ZNF77: variants seen among roughly 807,000 people sequenced by gnomAD.
ZNF77 encodes ZNFpT1.
A neutral mutation model predicts 13.5 loss-of-function variants in ZNF77; 15 were observed. The ratio of observed to expected loss-of-function variants is 1.11; its 90% CI spans 0.74 to 1.71. The LOEUF (loss-of-function observed/expected upper bound fraction) is 1.71. Among genes scored for constraint, ZNF77 ranks in the 40% most tolerant of loss-of-function variants. The pLI, the probability that ZNF77 is intolerant of heterozygous loss-of-function variation, is 0.00. For synonymous variants in ZNF77, 282 were observed against 250.0 expected (o/e 1.13, Z -1.21); for missense variants, 717 against 676.4 (o/e 1.06, Z -0.67).
At chr19:2,942,024 C>T (rs1440168759) in intron 1 of ZNF77, among the ~76,000 whole-genome samples, 1 of 151,094 alleles carries the variant, frequency 6.6e-6, no homozygotes, top group Non-Finnish European at 1.5e-5. Flanking sequence ...ACATCCAAGA[C>T]AATGACTGCC....
Position 2,933,893 on chromosome 19 carries a change from CTT to C in ZNF77, c.1232_1233del (p.Lys411ArgfsTer26), listed in dbSNP as rs1178394361. 2 of 1,612,874 alleles carry C rather than the reference CTT, an allele frequency of 1.2e-6. No homozygotes were observed. Among genetic ancestry groups the C allele is most frequent in the Non-Finnish European group, 1.7e-6 (2 of 1,179,756 alleles). ...THSGVKPYQC[K>X]ECGKAYSFSS... Reference sequence around the variant, plus strand: ...GAAAAACTGTAGGCTTTCCCACACTCTTTACATTGATAGGGCTTCACCCCGCT... The same window carrying C: ...GAAAAACTGTAGGCTTTCCCACACTCTACATTGATAGGGCTTCACCCCGCT... On this transcript the variant is annotated frameshift_variant, in exon 4 of 4. Transcript: ENST00000314531. LOFTEE classifies it low-confidence loss of function (END_TRUNC).
At chr19:2,944,706 C>G (rs2088480597) in intron 1 of ZNF77, 132 bp downstream of exon 1, 1 of 1,301,230 alleles carries the variant, frequency 7.7e-7, no homozygotes, top group Non-Finnish European at 1.0e-6. Flanking sequence ...ACCACGTCCC[C>G]GGGGCCCAGG....
Position 2,936,662 on chromosome 19 carries a change from CT to C in ZNF77, c.172del (p.Arg58GlyfsTer15). On this transcript the variant is annotated frameshift_variant, in exon 3 of 4. Transcript: ENST00000314531. LOFTEE classifies it high-confidence loss of function. ...GGATATTCCATTCCCAAAAACGTCC[CT>C]CTGAGAACTTGATCCACTGGTTCTA... ...YVRTSGSSSQRDVFGNGISND... is the reference protein window; with the variant it reads ...YVRTSGSSSQXDVFGNGISND... 1 of 1,609,322 alleles carries C rather than the reference CT, an allele frequency of 6.2e-7. No individual in the cohort carries two copies. The highest frequency in any genetic ancestry group is 8.5e-7 in the Non-Finnish European group (1 of 1,178,676).
chr19:2,939,566 C>T (rs1194071569), intron 1 of ZNF77, 159 bp from the exon 2 acceptor site: 11 of 948,064 alleles, frequency 1.2e-5, no homozygotes, highest in East Asian at 7.6e-5. Flanking sequence ...CACTCAATGC[C>T]GTGAGTACCT....
chr19:2,936,598 G>C lies in ZNF77; in HGVS notation c.237C>G (p.Ser79=). ...TCCAATTTTCTCCAAAAATAGACCA[G>C]GAATCACTTCCTGTGAACTTTACAA... is the stretch of plus-strand genomic sequence containing the variant. ...EEIVKFTGSD[S]WSIFGENWRF... Residue 79 remains serine (S), a synonymous_variant, in exon 3 of 4, where the codon TCC becomes TCG. Transcript: ENST00000314531. 6.2e-7 allele frequency: 1 copy of C among 1,610,806 alleles called. No homozygotes were observed. Among genetic ancestry groups the C allele is most frequent in the Non-Finnish European group, 8.5e-7 (1 of 1,179,182 alleles).
At chr19:2,942,429 G>A (rs959706760) in intron 1 of ZNF77, among the ~76,000 whole-genome samples, 4 of 147,742 alleles carry the variant, frequency 2.7e-5, no homozygotes, top group African/African-American at 5.0e-5. Context: ...GGCTGGAGTG[G>A]AGTGGTACAG....
At position 2,933,815 on chromosome 19, in the gene ZNF77, A is replaced by C; in HGVS notation, c.1312T>G (p.Cys438Gly). Residue 438 changes from cysteine (C) to glycine (G), a missense_variant, in exon 4 of 4, where the codon TGT becomes GGT. Physicochemically the swap from Cys to Gly is radical, Grantham distance 159 (BLOSUM62 -3). Transcript: ENST00000314531. ...CTGAAGGCTTTCCCACAATGCTTAC[A>C]CTCAAAGGGCTTCTCTCCAGTATGC... Reference protein sequence around the residue: ...RTHTGEKPFECKHCGKAFSCH... With the variant: ...RTHTGEKPFEGKHCGKAFSCH... 6.2e-7 allele frequency: 1 copy of C among 1,613,172 alleles called. No individual in the cohort carries two copies. The highest frequency in any genetic ancestry group is 8.5e-7 in the Non-Finnish European group (1 of 1,179,356).
chr19:2,936,413 T>C (rs1202767328), intron 3 of ZNF77, 111 bp downstream of exon 3: 22 of 1,236,864 alleles, frequency 1.8e-5, no homozygotes, highest in Non-Finnish European at 2.4e-5. Flanking sequence ...CCTCCCAAAG[T>C]GCTGGGATTA....
At chr19:2,941,849 A>G (rs957067988) in intron 1 of ZNF77, among the ~76,000 whole-genome samples, 12 of 152,116 alleles carry the variant, frequency 7.9e-5, no homozygotes, top group Admixed American at 5.9e-4. Context: ...GAATGTTTTC[A>G]ATCCACACCT....
At chr19:2,943,497 T>G (rs937790925) in intron 1 of ZNF77, among the ~76,000 whole-genome samples, 3 of 151,830 alleles carry the variant, frequency 2.0e-5, no homozygotes, top group African/African-American at 7.3e-5. Context: ...TGGAGTCCCC[T>G]GTCACCTCCC....
intron 1 of ZNF77, 110 bp downstream of exon 1, chr19:2,944,727 GC>G: frequency 7.2e-7 from 1 of 1,387,316 alleles, no homozygotes; most frequent in Non-Finnish European, 9.4e-7. Context: ...CGCTCGTCGT[GC>G]GCCGCCCCGC....
At chr19:2,942,440 C>G (rs531206814) in intron 1 of ZNF77, among the ~76,000 whole-genome samples, 1 of 144,246 alleles carries the variant, frequency 6.9e-6, no homozygotes, top group Non-Finnish European at 1.5e-5. Context: ...AGTGGTACAG[C>G]CTCAAACTCG....
intron 2 of ZNF77, among the ~76,000 whole-genome samples, chr19:2,938,027 G>C (rs901149732): frequency 4.6e-5 from 7 of 152,160 alleles, no homozygotes; most frequent in African/African-American, 1.7e-4. Flanking sequence ...AAAGTGCTGG[G>C]ATTACAGGCG....
chr19:2,933,412 T>C lies in ZNF77; in HGVS notation c.*77A>G, dbSNP rs562832801. On this transcript the variant is annotated 3_prime_UTR_variant, in exon 4 of 4. Coordinates refer to ENST00000314531, the MANE Select transcript of ZNF77 (RefSeq NM_021217.3). ...CTATACCAGGTTTTCCTACATGCTC[T>C]ACATAAATAACGTTTCTCACATTTA... 1.6e-4 allele frequency: 238 copies of C among 1,488,430 alleles called. No individual in the cohort carries two copies. The African/African-American group carries it at 2.9e-3, about 18-fold the overall frequency. 92.2% of individuals were successfully genotyped at this position (1,488,430 alleles called of 1,614,324 possible). A position where few individuals can be genotyped will look rare whatever the true frequency, so the allele number is the denominator to read the frequency against.
chr19:2,934,029 AGAG>A lies in ZNF77; in HGVS notation c.1095_1097del (p.Ser366del), dbSNP rs1477440530. On this transcript the variant is annotated inframe_deletion, in exon 4 of 4. Coordinates refer to ENST00000314531, the MANE Select transcript of ZNF77 (RefSeq NM_021217.3). ...TGTGCATTCTCATGTGTGCTCGCAGAGAGGAGGGGTACCTGAAGGCTTTGCCGC... is the reference window on the plus strand; with the variant it reads ...TGTGCATTCTCATGTGTGCTCGCAGAGAGGGGTACCTGAAGGCTTTGCCGC... 24 of 1,613,914 alleles carry A rather than the reference AGAG, an allele frequency of 1.5e-5. No individual in the cohort carries two copies. The highest frequency in any genetic ancestry group is 1.9e-5 in the Non-Finnish European group (23 of 1,180,002).
intron 1 of ZNF77, among the ~76,000 whole-genome samples, chr19:2,943,053 A>G (rs1187056308): frequency 6.6e-6 from 1 of 152,132 alleles, no homozygotes; most frequent in East Asian, 1.9e-4. Flanking sequence ...AAGTGCTGGG[A>G]GTACAGGCAT....
In ZNF77 at chr19:2,936,698, T is replaced by G. The variant is rs749758881; in HGVS notation, c.137A>C (p.Tyr46Ser). 3.7e-6 allele frequency: 6 copies of G among 1,603,846 alleles called. No individual in the cohort carries two copies. The African/African-American group carries it at 5.4e-5, about 14-fold the overall frequency. The change falls in exon 3 of 4, where the codon TAC becomes TCC. Residue 46 changes from tyrosine (Y) to serine (S), a missense_variant. Physicochemically the swap from Tyr to Ser is moderately radical, Grantham distance 144. Coordinates refer to ENST00000314531, the MANE Select transcript of ZNF77 (RefSeq NM_021217.3). ...TCRNLASLDC[Y>S]IYVRTSGSSS... ...TGATCCACTGGTTCTAACATAAATGTAACAATCTGCAACAATCAATTACAC... is the reference window on the plus strand; with the variant it reads ...TGATCCACTGGTTCTAACATAAATGGAACAATCTGCAACAATCAATTACAC...
chr19:2,944,683 C>G (rs1330000585), intron 1 of ZNF77, among the ~76,000 whole-genome samples, 155 bp downstream of exon 1: 1 of 152,216 alleles, frequency 6.6e-6, no homozygotes, highest in Non-Finnish European at 1.5e-5. Context: ...AGCCCTACCC[C>G]TCGGCCGCTG....
chr19:2,936,705 C>A lies in ZNF77; in HGVS notation c.131-1G>T, dbSNP rs771361596. On this transcript the variant is annotated splice_acceptor_variant, in intron 2 of 3. Transcript: ENST00000314531. LOFTEE classifies it high-confidence loss of function. ...CTGGTTCTAACATAAATGTAACAAT[C>A]TGCAACAATCAATTACACAATTTCT... 1.3e-6 allele frequency: 2 copies of A among 1,598,862 alleles called. No individual in the cohort carries two copies. Among genetic ancestry groups the A allele is most frequent in the Admixed American group, 1.8e-5 (1 of 55,998 alleles).
Sources: allele counts gnomAD v4.1 joint callset (sites outside exome capture counted in the v4.1 genomes callset), GRCh38; gene constraint gnomAD v4.1.1; transcripts MANE v1.5; gene names NCBI Gene and HGNC (gene_info 2026-07-23, HGNC 2026-07-21).